Variants in LSAMP observed in about 807,000 individuals in gnomAD.
LSAMP encodes the protein limbic system-associated membrane protein.
A neutral mutation model predicts 38.6 loss-of-function variants in LSAMP; 7 were observed. That is an observed-to-expected ratio of 0.18 (90% confidence interval 0.10 to 0.34). The LOEUF (loss-of-function observed/expected upper bound fraction) is 0.34, where lower values mean the gene tolerates loss of function less well. Ranked by LOEUF, LSAMP falls within the 10% of genes least tolerant of loss-of-function variation. The probability of loss-of-function intolerance (pLI) is 1.00; values close to 1 mark genes in which losing one functional copy is unlikely to be tolerated. For missense variants in LSAMP, 313 were observed against 420.0 expected, an observed-to-expected ratio of 0.75 and a Z score of 2.23; for synonymous variants, 154 against 166.8, an observed-to-expected ratio of 0.92 and a Z score of 0.59.
chr3:116,130,900 G>A (rs1709112527), intron 1 of LSAMP, among the ~76,000 whole-genome samples: 1 of 151,232 alleles, frequency 6.6e-6, no homozygotes. Flanking sequence ...TCTCTCACTG[G>A]GCCTTGCTCT....
At chr3:115,951,108 T>C (rs1299834773) in intron 3 of LSAMP, among the ~76,000 whole-genome samples, 1 of 152,158 alleles carries the variant, frequency 6.6e-6, no homozygotes, top group Non-Finnish European at 1.5e-5. Context: ...TTTCTTACCT[T>C]ATACAAAAAT....
intron 1 of LSAMP, among the ~76,000 whole-genome samples, chr3:116,190,185 C>T (rs1710722773): frequency 6.6e-6 from 1 of 151,840 alleles, no homozygotes; most frequent in African/African-American, 2.4e-5. Flanking sequence ...ATGATCTCCC[C>T]ACCTCCATTC....
chr3:116,163,646 C>T (rs946102528), intron 1 of LSAMP, among the ~76,000 whole-genome samples: 9 of 151,998 alleles, frequency 5.9e-5, no homozygotes, highest in Non-Finnish European at 7.4e-5. Flanking sequence ...CCTGAGGAAT[C>T]GCCACACTGA....
At chr3:116,346,327 C>T (rs1351095193) in intron 1 of LSAMP, among the ~76,000 whole-genome samples, 11 of 142,272 alleles carry the variant, frequency 7.7e-5, no homozygotes, top group Admixed American at 5.7e-4. Flanking sequence ...TTAGTTTTAT[C>T]TTTTTTTTTT....
chr3:116,137,619 T>G (rs1373651676), intron 1 of LSAMP, among the ~76,000 whole-genome samples: 1 of 152,104 alleles, frequency 6.6e-6, no homozygotes, highest in Admixed American at 6.6e-5. Context: ...AGGCTTAAAC[T>G]GATTTGTTTT....
At chr3:116,240,436 T>C (rs1333236792) in intron 1 of LSAMP, among the ~76,000 whole-genome samples, 1 of 152,172 alleles carries the variant, frequency 6.6e-6, no homozygotes, top group Non-Finnish European at 1.5e-5. Flanking sequence ...TAAGGAAGAA[T>C]GTTATGTTAT....
intron 1 of LSAMP, among the ~76,000 whole-genome samples, chr3:116,177,616 C>A (rs1173073306): frequency 6.6e-6 from 1 of 152,112 alleles, no homozygotes; most frequent in Non-Finnish European, 1.5e-5. Context: ...AAAAATAATT[C>A]TTTTAAAATT....
intron 1 of LSAMP, among the ~76,000 whole-genome samples, chr3:116,221,631 C>A (rs148636844): frequency 6.6e-6 from 1 of 152,160 alleles, no homozygotes; most frequent in Non-Finnish European, 1.5e-5. Flanking sequence ...AAAGGCAGAA[C>A]CTTCATGAAC....
At chr3:116,350,611 T>C (rs975795088) in intron 1 of LSAMP, among the ~76,000 whole-genome samples, 1 of 146,962 alleles carries the variant, frequency 6.8e-6, no homozygotes, top group Non-Finnish European at 1.5e-5. Context: ...ATCACAGTGC[T>C]TATGTCAAGG....
chr3:116,283,850 A>G (rs1343075262), intron 1 of LSAMP, among the ~76,000 whole-genome samples: 1 of 152,118 alleles, frequency 6.6e-6, no homozygotes, highest in Non-Finnish European at 1.5e-5. Context: ...TACTAAAAAT[A>G]CAAAAATTAG....
At chr3:115,903,866 A>C (rs1936942996) in intron 3 of LSAMP, among the ~76,000 whole-genome samples, 3 of 152,194 alleles carry the variant, frequency 2.0e-5, no homozygotes, top group African/African-American at 7.2e-5. Context: ...CTTAATATTT[A>C]AAGCAGACAT....
At chr3:116,043,072 C>T (rs1941210357) in intron 2 of LSAMP, among the ~76,000 whole-genome samples, 1 of 152,074 alleles carries the variant, frequency 6.6e-6, no homozygotes, top group African/African-American at 2.4e-5. Flanking sequence ...AAGCAACATC[C>T]CTGGCCTCTA....
chr3:116,350,730 G>T (rs1576152528), intron 1 of LSAMP, among the ~76,000 whole-genome samples: 1 of 151,864 alleles, frequency 6.6e-6, no homozygotes, highest in Non-Finnish European at 1.5e-5. Context: ...AACATGAAAA[G>T]GTGAAAGTTC....
intron 1 of LSAMP, among the ~76,000 whole-genome samples, chr3:116,122,465 A>G (rs1409409128): frequency 6.6e-6 from 1 of 152,212 alleles, no homozygotes; most frequent in African/African-American, 2.4e-5. Flanking sequence ...CCCTGTCTGA[A>G]GAAGAGACCC....
intron 3 of LSAMP, among the ~76,000 whole-genome samples, chr3:115,974,024 T>C (rs1939104949): frequency 1.3e-5 from 2 of 152,130 alleles, no homozygotes; most frequent in South Asian, 4.1e-4. Flanking sequence ...GCTGAAGGTA[T>C]GGATCTGGAA....
intron 2 of LSAMP, among the ~76,000 whole-genome samples, chr3:116,080,637 G>C (rs971073762): frequency 6.6e-6 from 1 of 152,186 alleles, no homozygotes; most frequent in Non-Finnish European, 1.5e-5. Flanking sequence ...TAGCTGTCTG[G>C]TTGCTGATGT....
At chr3:116,306,881 C>T (rs1445828805) in intron 1 of LSAMP, among the ~76,000 whole-genome samples, 1 of 151,924 alleles carries the variant, frequency 6.6e-6, no homozygotes, top group Admixed American at 6.6e-5. Flanking sequence ...CCAAGTTTCC[C>T]AAGAGTCGTC....
chr3:116,367,016 G>A (rs2048364018), intron 1 of LSAMP, among the ~76,000 whole-genome samples: 1 of 152,076 alleles, frequency 6.6e-6, no homozygotes, highest in Admixed American at 6.5e-5. Flanking sequence ...ACAATTACTT[G>A]TATTATTTCT....
chr3:115,897,515 G>A (rs1277599407), intron 3 of LSAMP, among the ~76,000 whole-genome samples: 1 of 151,966 alleles, frequency 6.6e-6, no homozygotes, highest in East Asian at 1.9e-4. Flanking sequence ...TCAAGAAGCT[G>A]GGGGGAATAA....
Sources: gnomAD v4.1 joint callset for allele counts (sites outside exome capture counted in the v4.1 genomes callset) on GRCh38, gnomAD v4.1.1 for gene constraint, MANE v1.5 for transcripts, NCBI Gene and HGNC (gene_info 2026-07-23, HGNC 2026-07-21) for gene names.